LRRC4C: variants seen among roughly 807,000 people sequenced by gnomAD.
LRRC4C encodes leucine-rich repeat-containing protein 4C.
Under a neutral mutation model 33.6 loss-of-function variants are expected in LRRC4C, and 5 were observed. The observed-to-expected ratio is 0.15, with a 90% CI of 0.08 to 0.31. The LOEUF (loss-of-function observed/expected upper bound fraction) is 0.31. LRRC4C is among the 10% of genes least tolerant of loss of function. The pLI, the probability that LRRC4C is intolerant of heterozygous loss-of-function variation, is 1.00. For missense variants in LRRC4C, 560 were observed against 796.7 expected (o/e 0.70, Z 3.58); for synonymous variants, 329 against 302.0 (o/e 1.09, Z -0.93).
chr11:40,759,585 C>A (rs1779857659), intron 2 of LRRC4C, among the ~76,000 whole-genome samples: 1 of 151,884 alleles, frequency 6.6e-6, no homozygotes, highest in South Asian at 2.1e-4. Flanking sequence ...ACCTCAGTTA[C>A]TTTTGCAGCA....
intron 1 of LRRC4C, among the ~76,000 whole-genome samples, chr11:40,981,496 A>C (rs889411859): frequency 3.3e-5 from 5 of 152,114 alleles, no homozygotes; most frequent in African/African-American, 1.2e-4. Context: ...TTTACAGCCT[A>C]CTACACTAGA....
intron 3 of LRRC4C, among the ~76,000 whole-genome samples, chr11:40,579,054 T>C (rs1958345784): frequency 6.6e-6 from 1 of 152,130 alleles, no homozygotes; most frequent in African/African-American, 2.4e-5. Context: ...GTACAATAAG[T>C]CGGCCGGGCG....
chr11:41,330,319 T>A (rs1275081342), intron 1 of LRRC4C, among the ~76,000 whole-genome samples: 1 of 152,050 alleles, frequency 6.6e-6, no homozygotes, highest in Non-Finnish European at 1.5e-5. Context: ...TTTTGTTTTT[T>A]TCTTTTTTGT....
intron 1 of LRRC4C, among the ~76,000 whole-genome samples, chr11:40,951,452 A>C (rs1358028135): frequency 6.6e-6 from 1 of 151,982 alleles, no homozygotes; most frequent in East Asian, 1.9e-4. Flanking sequence ...GCAAAAAGAT[A>C]GTGAGGACTT....
intron 1 of LRRC4C, among the ~76,000 whole-genome samples, chr11:40,984,892 A>ATTTTTTTTTTTTTTT (rs1352712808): frequency 4.1e-5 from 1 of 24,652 alleles, no homozygotes; most frequent in Non-Finnish European, 1.3e-4. Context: ...TCTCACTGAC[A>ATTTTTTTTTTTTTTT]CTTTTTTTTT....
chr11:41,285,584 G>A (rs1273802858), intron 1 of LRRC4C, among the ~76,000 whole-genome samples: 1 of 152,122 alleles, frequency 6.6e-6, no homozygotes, highest in Non-Finnish European at 1.5e-5. Flanking sequence ...TCAGAGACTG[G>A]AATGATGTGG....
chr11:41,267,492 T>A lies in LRRC4C; in HGVS notation c.-496+191939A>T, dbSNP rs116222956. Among the ~76,000 whole-genome samples, 138 of 152,196 alleles carry A rather than the reference T, an allele frequency of 9.1e-4. 1 individual carries two copies. The highest frequency in any genetic ancestry group is 3.2e-3 in the African/African-American group (134 of 41,542). On this transcript the variant is annotated intron_variant, in intron 1 of 6. Coordinates refer to ENST00000528697, the MANE Select transcript of LRRC4C (RefSeq NM_001258419.2). ...TATTGCAGGACTGTTGCAGGTACAA[T>A]CAATAAAGGTTAAGTGGCTAGCACG...
chr11:40,855,768 G>A (rs1357279189), intron 2 of LRRC4C, among the ~76,000 whole-genome samples: 1 of 152,088 alleles, frequency 6.6e-6, no homozygotes, highest in Non-Finnish European at 1.5e-5. Context: ...GCTTTTGCTG[G>A]AGAACTTCTT....
At chr11:40,602,936 C>A (rs756223222) in intron 3 of LRRC4C, among the ~76,000 whole-genome samples, 8 of 152,062 alleles carry the variant, frequency 5.3e-5, no homozygotes, top group Admixed American at 2.0e-4. Flanking sequence ...CCCTTCACAC[C>A]GTGACTTCCC....
At chr11:41,181,158 AG>A (rs1945433367) in intron 1 of LRRC4C, among the ~76,000 whole-genome samples, 1 of 152,212 alleles carries the variant, frequency 6.6e-6, no homozygotes, top group African/African-American at 2.4e-5. Context: ...GTTTGGCCAT[AG>A]GGAAATCAAG....
At chr11:41,047,841 T>C (rs539264063) in intron 1 of LRRC4C, among the ~76,000 whole-genome samples, 2 of 152,272 alleles carry the variant, frequency 1.3e-5, no homozygotes, top group South Asian at 4.1e-4. Flanking sequence ...TACTTTCTCA[T>C]GGTGTCCCTC....
chr11:40,210,209 A>C (rs1863484933), intron 5 of LRRC4C, among the ~76,000 whole-genome samples: 1 of 151,966 alleles, frequency 6.6e-6, no homozygotes, highest in Admixed American at 6.5e-5. Flanking sequence ...CGGAGCTTGC[A>C]GTGAGCCAAG....
At chr11:41,314,097 A>C (rs574520855) in intron 1 of LRRC4C, among the ~76,000 whole-genome samples, 1 of 152,254 alleles carries the variant, frequency 6.6e-6, no homozygotes, top group East Asian at 1.9e-4. Flanking sequence ...GAAAGGGTGG[A>C]GAATGAAGAA....
At chr11:40,744,336 A>C (rs1948310548) in intron 2 of LRRC4C, among the ~76,000 whole-genome samples, 1 of 152,202 alleles carries the variant, frequency 6.6e-6, no homozygotes, top group South Asian at 2.1e-4. Context: ...ACATCTGAAA[A>C]GATTAAGAAT....
At chr11:40,247,599 G>A (rs2861892) in intron 4 of LRRC4C, among the ~76,000 whole-genome samples, 114,139 of 152,040 alleles carry the variant, frequency 0.75, 46,555 homozygotes, top group East Asian at 0.95. Context: ...GATTCCCAGA[G>A]CCTACACTCC....
chr11:40,168,978 T>C (rs1859825049), intron 5 of LRRC4C, among the ~76,000 whole-genome samples: 1 of 152,192 alleles, frequency 6.6e-6, no homozygotes, highest in African/African-American at 2.4e-5. Context: ...CAGTCTTTAC[T>C]TTAGTTTTTT....
intron 1 of LRRC4C, among the ~76,000 whole-genome samples, chr11:41,034,516 G>GTA (rs1211122909): frequency 1.4e-5 from 2 of 142,200 alleles, no homozygotes; most frequent in South Asian, 2.2e-4. Context: ...ATATATGTGT[G>GTA]TATATATATA....
At chr11:41,116,800 A>G (rs1935860131) in intron 1 of LRRC4C, among the ~76,000 whole-genome samples, 1 of 152,194 alleles carries the variant, frequency 6.6e-6, no homozygotes, top group African/African-American at 2.4e-5. Flanking sequence ...GACATTATTC[A>G]GCAGAAATTA....
At chr11:40,503,155 C>T (rs1454679165) in intron 3 of LRRC4C, among the ~76,000 whole-genome samples, 1 of 152,186 alleles carries the variant, frequency 6.6e-6, no homozygotes, top group Non-Finnish European at 1.5e-5. Context: ...GCTTCTGCTA[C>T]CTGGTAGTTC....
Sources: gnomAD v4.1 joint callset for allele counts (sites outside exome capture counted in the v4.1 genomes callset) on GRCh38, gnomAD v4.1.1 for gene constraint, MANE v1.5 for transcripts, NCBI Gene and HGNC (gene_info 2026-07-23, HGNC 2026-07-21) for gene names.